The following CPNE4 variants were observed in gnomAD, a reference collection of about 807,000 sequenced individuals.
The protein encoded by CPNE4 is copine-4.
A neutral mutation model predicts 67.9 loss-of-function variants in CPNE4; 25 were observed. That is an observed-to-expected ratio of 0.37 (90% confidence interval 0.27 to 0.51). CPNE4 has a LOEUF of 0.51. CPNE4 is among the 20% of genes least tolerant of loss of function. CPNE4 has a pLI of 0.93. For missense variants in CPNE4, 464 were observed against 690.8 expected (o/e 0.67, Z 3.68); for synonymous variants, 242 against 244.9 (o/e 0.99, Z 0.11).
chr3:131,551,002 CTTG>C (rs1936143647), intron 13 of CPNE4, among the ~76,000 whole-genome samples: 1 of 152,068 alleles, frequency 6.6e-6, no homozygotes, highest in South Asian at 2.1e-4. Flanking sequence ...AATGGCTTCT[CTTG>C]TTGTCTGTGC....
chr3:131,899,672 C>A (rs369608985), intron 2 of CPNE4, among the ~76,000 whole-genome samples: 1 of 152,070 alleles, frequency 6.6e-6, no homozygotes, highest in South Asian at 2.1e-4. Context: ...ATAGAATATA[C>A]GTAAATTAAC....
chr3:131,686,482 G>A (rs920077171), intron 5 of CPNE4, among the ~76,000 whole-genome samples: 4 of 152,148 alleles, frequency 2.6e-5, no homozygotes, highest in African/African-American at 9.7e-5. Flanking sequence ...GATTATGAAG[G>A]TTTTTACATG....
At chr3:131,767,269 G>GTT (rs980592600) in intron 2 of CPNE4, among the ~76,000 whole-genome samples, 1 of 151,716 alleles carries the variant, frequency 6.6e-6, no homozygotes, top group Non-Finnish European at 1.5e-5. Flanking sequence ...GCGTGTGTGT[G>GTT]TGTGTGTGTG....
intron 7 of CPNE4, among the ~76,000 whole-genome samples, chr3:131,631,440 G>A (rs887486759): frequency 1.3e-5 from 2 of 152,114 alleles, no homozygotes; most frequent in African/African-American, 2.4e-5. Flanking sequence ...GTTTGGGTTT[G>A]CACAGTTTCA....
chr3:131,755,855 C>T (rs1055129609), intron 2 of CPNE4, among the ~76,000 whole-genome samples: 22 of 152,158 alleles, frequency 1.4e-4, no homozygotes, highest in Non-Finnish European at 2.9e-4. Context: ...TATTTTGAAG[C>T]ATTTTCCAGA....
intron 1 of CPNE4, among the ~76,000 whole-genome samples, chr3:131,934,666 T>C (rs771476210): frequency 1.3e-5 from 2 of 152,184 alleles, no homozygotes; most frequent in Admixed American, 6.5e-5. Context: ...ATGCAGTGTT[T>C]GGTTTTCTGT....
chr3:131,778,792 C>G (rs2083356602), intron 2 of CPNE4, among the ~76,000 whole-genome samples: 1 of 151,996 alleles, frequency 6.6e-6, no homozygotes, highest in African/African-American at 2.4e-5. Flanking sequence ...TAATACAAAA[C>G]CGGTGCTGCC....
In CPNE4 at chr3:131,905,355, A is replaced by G; in HGVS notation, c.89T>C (p.Val30Ala). 2 of 1,613,604 alleles carry G rather than the reference A, an allele frequency of 1.2e-6. No individual in the cohort carries two copies. The highest frequency in any genetic ancestry group is 4.5e-5 in the East Asian group (2 of 44,848). Residue 30 changes from valine (V) to alanine (A), a missense_variant, in exon 2 of 16, where the codon GTG becomes GCG. Around this residue, in one of 6 missense-constraint regions of CPNE4, gnomAD observed 170 missense variants for 203.3 expected, o/e 0.84. Transcript: ENST00000429747. ...SPCLTKVELR[V>A]ACKGISDRDA... ...TCTGTCAGAAATGCCTTTGCACGCC[A>G]CACGCAGCTCAACTTTGGTCAGGCA...
intron 2 of CPNE4, among the ~76,000 whole-genome samples, chr3:131,828,206 A>AT (rs1369101108): frequency 2.0e-5 from 3 of 152,158 alleles, no homozygotes; most frequent in Non-Finnish European, 2.9e-5. Flanking sequence ...TAATTTACCT[A>AT]TAATAAAAGG....
At chr3:131,799,885 G>T (rs1298002877) in intron 2 of CPNE4, among the ~76,000 whole-genome samples, 1 of 149,272 alleles carries the variant, frequency 6.7e-6, no homozygotes, top group Non-Finnish European at 1.5e-5. Context: ...ACATCAGGTG[G>T]ATTGTTTTTT....
intron 1 of CPNE4, among the ~76,000 whole-genome samples, chr3:132,006,417 A>T (rs553245255): frequency 3.3e-5 from 5 of 152,170 alleles, no homozygotes; most frequent in Non-Finnish European, 7.3e-5. Flanking sequence ...GCCTTAAGAA[A>T]AATGAACAGC....
chr3:131,989,032 A>C (rs2073118642), intron 1 of CPNE4, among the ~76,000 whole-genome samples: 1 of 152,234 alleles, frequency 6.6e-6, no homozygotes, highest in African/African-American at 2.4e-5. Context: ...ATGCTTAGGA[A>C]ACTGCTTATA....
At chr3:131,876,305 G>T (rs1387953032) in intron 2 of CPNE4, among the ~76,000 whole-genome samples, 1 of 150,926 alleles carries the variant, frequency 6.6e-6, no homozygotes, top group Non-Finnish European at 1.5e-5. Context: ...CAAATGAAAG[G>T]CATGCTCTTT....
chr3:131,838,856 T>A (rs1374442174), intron 2 of CPNE4, among the ~76,000 whole-genome samples: 1 of 151,856 alleles, frequency 6.6e-6, no homozygotes, highest in African/African-American at 2.4e-5. Flanking sequence ...CATATGTGAA[T>A]GTATTTAGTA....
intron 1 of CPNE4, among the ~76,000 whole-genome samples, chr3:131,962,842 T>C (rs540386418): frequency 1.5e-4 from 23 of 152,292 alleles, no homozygotes; most frequent in Middle Eastern, 3.4e-3. Flanking sequence ...TATATTGCCC[T>C]ACACCCTGCT....
At chr3:131,773,142 C>A (rs1001638807) in intron 2 of CPNE4, among the ~76,000 whole-genome samples, 13 of 151,930 alleles carry the variant, frequency 8.6e-5, no homozygotes, top group African/African-American at 3.1e-4. Flanking sequence ...AATCTCGTAG[C>A]CTGCCAAATG....
intron 7 of CPNE4, among the ~76,000 whole-genome samples, chr3:131,621,209 G>A (rs1940445456): frequency 6.6e-6 from 1 of 152,046 alleles, no homozygotes; most frequent in Non-Finnish European, 1.5e-5. Context: ...CAGTGACAAT[G>A]TTCCACTTCA....
At chr3:131,648,248 T>C (rs773753155) in intron 7 of CPNE4, among the ~76,000 whole-genome samples, 17 of 152,218 alleles carry the variant, frequency 1.1e-4, no homozygotes, top group Non-Finnish European at 2.1e-4. Context: ...GGCATGCATC[T>C]GTAGTCCCAG....
intron 10 of CPNE4, among the ~76,000 whole-genome samples, chr3:131,569,334 G>T (rs1048203482): frequency 2.1e-5 from 3 of 141,202 alleles, no homozygotes; most frequent in Non-Finnish European, 4.9e-5. Context: ...ATGTTTTAGG[G>T]TTAGAAAAGA....
Sources: gnomAD v4.1 joint callset for allele counts (sites outside exome capture counted in the v4.1 genomes callset) on GRCh38, gnomAD v4.1.1 for gene constraint, gnomAD v4.1.1 regional missense constraint, MANE v1.5 for transcripts, NCBI Gene and HGNC (gene_info 2026-07-23, HGNC 2026-07-21) for gene names.